VIL1: variants seen among roughly 807,000 people sequenced by gnomAD.
VIL1 encodes the protein villin-1.
A neutral mutation model predicts 104.0 loss-of-function variants in VIL1; 86 were observed. The ratio of observed to expected loss-of-function variants is 0.83; its 90% CI spans 0.69 to 0.99. VIL1 has a LOEUF of 0.99. Among genes scored for constraint, VIL1 ranks in the 50% least tolerant of loss-of-function variants. The probability of loss-of-function intolerance (pLI) is 0.00; values close to 1 mark genes in which losing one functional copy is unlikely to be tolerated. For synonymous variants in VIL1, 394 were observed against 412.6 expected (o/e 0.95, Z 0.55); for missense variants, 944 against 1,054.1 (o/e 0.90, Z 1.45).
intron 9 of VIL1, 28 bp downstream of exon 9, chr2:218,429,975 G>A: frequency 1.9e-6 from 3 of 1,583,014 alleles, no homozygotes; most frequent in South Asian, 2.2e-5. Context: ...GGAGGGTCCA[G>A]GAGGAGGGCA....
At chr2:218,438,136 T>G (rs532933185) in intron 17 of VIL1, among the ~76,000 whole-genome samples, 13 of 151,886 alleles carry the variant, frequency 8.6e-5, no homozygotes, top group African/African-American at 1.2e-4. Context: ...TCACCTCAAG[T>G]GTGTGCTGGC....
intron 19 of VIL1, among the ~76,000 whole-genome samples, chr2:218,447,363 G>A (rs1013651360): frequency 2.0e-5 from 3 of 152,156 alleles, no homozygotes; most frequent in Non-Finnish European, 4.4e-5. Flanking sequence ...TCTCACTCAG[G>A]CTGGAGTACA....
chr2:218,424,522 C>T (rs1688947644), intron 3 of VIL1, among the ~76,000 whole-genome samples, 171 bp downstream of exon 3: 2 of 152,202 alleles, frequency 1.3e-5, no homozygotes, highest in South Asian at 4.1e-4. Flanking sequence ...AGGTCAGAGG[C>T]TCTTGCTGCC....
chr2:218,425,870 T>C, intron 4 of VIL1, 59 bp downstream of exon 4: 1 of 1,531,534 alleles, frequency 6.5e-7, no homozygotes, highest in Admixed American at 1.9e-5. Flanking sequence ...ATAGAGATGT[T>C]GGGGCTGAGC....
Position 218,451,061 on chromosome 2 carries a change from A to T in VIL1, c.*1725A>T, listed in dbSNP as rs2106399944. 1 of 152,306 alleles carries T rather than the reference A, an allele frequency of 6.6e-6. No homozygotes were observed. Among genetic ancestry groups the T allele is most frequent in the East Asian group, 1.9e-4 (1 of 5,194 alleles). The allele number at this position is 152,306 out of a possible 1,614,324, so 9.4% of individuals were successfully genotyped here. A position where few individuals can be genotyped will look rare whatever the true frequency, so the allele number is the denominator to read the frequency against. Reference sequence around the variant, plus strand: ...GCCTAACAAATTAGAATTTTCCAATAAAAAATATATATTTTTTCAGATGTT... The same window carrying T: ...GCCTAACAAATTAGAATTTTCCAATTAAAAATATATATTTTTTCAGATGTT... On this transcript the variant is annotated 3_prime_UTR_variant, in exon 20 of 20. Coordinates refer to ENST00000248444, the MANE Select transcript of VIL1 (RefSeq NM_007127.3).
chr2:218,426,428 T>C (rs1689003721), intron 4 of VIL1, among the ~76,000 whole-genome samples: 1 of 151,730 alleles, frequency 6.6e-6, no homozygotes, highest in Admixed American at 6.6e-5. Context: ...CTAATTTTTG[T>C]ATTTTTAGTA....
chr2:218,425,934 AG>A, intron 4 of VIL1, 123 bp downstream of exon 4: 2 of 999,360 alleles, frequency 2.0e-6, no homozygotes, highest in Non-Finnish European at 2.7e-6. Context: ...CACTTGGAGC[AG>A]GGGGAGGTGA....
chr2:218,437,445 G>T, intron 17 of VIL1, 133 bp downstream of exon 17: 1 of 1,230,084 alleles, frequency 8.1e-7, no homozygotes, highest in South Asian at 1.6e-5. Context: ...GCTTAGAATA[G>T]AAAGTAAGGC....
chr2:218,428,175 G>A (rs1689035901), intron 5 of VIL1, 52 bp from the exon 6 acceptor site: 6 of 1,602,746 alleles, frequency 3.7e-6, no homozygotes, highest in Non-Finnish European at 1.7e-6. Context: ...CCAAGATGAT[G>A]GATGATAGGT....
chr2:218,439,687 C>T lies in VIL1; in HGVS notation c.2229+961C>T, dbSNP rs181223632. 2.0e-3 allele frequency among the ~76,000 whole-genome samples: 309 copies of T among 151,816 alleles called. 2 individuals carry two copies. The highest frequency in any genetic ancestry group is 6.9e-3 in the African/African-American group (284 of 41,412). On this transcript the variant is annotated intron_variant, in intron 18 of 19. Coordinates refer to ENST00000248444, the MANE Select transcript of VIL1 (RefSeq NM_007127.3). ...TAAAAAACAGCCAGGTGTGGTGGTG[C>T]GTGCTTGTGGTCCCAGCTACTCAGG...
At chr2:218,426,065 T>C (rs568666899) in intron 4 of VIL1, among the ~76,000 whole-genome samples, 1 of 152,172 alleles carries the variant, frequency 6.6e-6, no homozygotes, top group Non-Finnish European at 1.5e-5. Flanking sequence ...CACTGCTCTG[T>C]CCTTGGTCTG....
In VIL1 at chr2:218,434,591, A is replaced by T. The variant is rs1689155272; in HGVS notation, c.1566A>T (p.Gly522=). The change falls in exon 14 of 20, where the codon GGA becomes GGT. Residue 522 remains glycine, a synonymous_variant. Coordinates refer to ENST00000248444, the MANE Select transcript of VIL1 (RefSeq NM_007127.3). ...GPSTRLFQVQ[G]TGANNTKAFE... ...CCACACGGCTGTTCCAGGTCCAGGG[A>T]ACTGGCGCCAACAACACCAAGGCCT... is the stretch of plus-strand genomic sequence containing the variant. The T allele has an allele frequency of 6.2e-7, 1 of 1,614,026 alleles. No individual in the cohort carries two copies. The highest frequency in any genetic ancestry group is 1.1e-5 in the South Asian group (1 of 91,078).
intron 1 of VIL1, among the ~76,000 whole-genome samples, chr2:218,423,017 C>A (rs1688922638): frequency 6.6e-6 from 1 of 152,232 alleles, no homozygotes; most frequent in South Asian, 2.1e-4. Context: ...AAATCAGAAT[C>A]ACCAGAGCCT....
At chr2:218,432,421 T>G in intron 12 of VIL1, 3 of 742,452 alleles carry the variant, frequency 4.0e-6, no homozygotes. Context: ...TCTTGTCACC[T>G]GCTCTGCCCA....
chr2:218,438,679 C>T lies in VIL1; in HGVS notation c.2182C>T (p.Leu728=). The change falls in exon 18 of 20, where the codon CTG becomes TTG. Residue 728 remains leucine (L), a synonymous_variant. Coordinates refer to ENST00000248444, the MANE Select transcript of VIL1 (RefSeq NM_007127.3). The part of the protein sequence containing the change: ...KWSNTKSYED[L]KAELGNSRDW... ...GCAGAACACCAAATCCTATGAGGAC[C>T]TGAAGGCGGAGCTTGGCAACTCTAG... is the stretch of plus-strand genomic sequence containing the variant. 6.2e-7 allele frequency: 1 copy of T among 1,612,756 alleles called. No homozygotes were observed. The highest frequency in any genetic ancestry group is 8.5e-7 in the Non-Finnish European group (1 of 1,179,754).
At chr2:218,419,602 T>C (rs1054391157) in intron 1 of VIL1, among the ~76,000 whole-genome samples, 1 of 152,222 alleles carries the variant, frequency 6.6e-6, no homozygotes, top group Non-Finnish European at 1.5e-5. Context: ...TCACCATTCC[T>C]CTGACACTCC....
chr2:218,429,338 T>C lies in VIL1; in HGVS notation c.621T>C (p.Tyr207=), dbSNP rs1689054577. 6.2e-7 allele frequency: 1 copy of C among 1,613,900 alleles called. No individual in the cohort carries two copies. The highest frequency in any genetic ancestry group is 8.5e-7 in the Non-Finnish European group (1 of 1,179,998). ...ACCAGGAGCGGGGAGGGCGCACCTA[T>C]GTAGGCGTGGTGGACGGAGAGAATG... The part of the protein sequence containing the change: ...IRDQERGGRT[Y]VGVVDGENEL... The change falls in exon 7 of 20, where the codon TAT becomes TAC. Residue 207 remains tyrosine, a synonymous_variant. Coordinates refer to ENST00000248444, the MANE Select transcript of VIL1 (RefSeq NM_007127.3).
At chr2:218,432,451 G>T (rs1296639686) in intron 12 of VIL1, 2 of 701,968 alleles carry the variant, frequency 2.8e-6, no homozygotes, top group Non-Finnish European at 5.1e-6. Context: ...GTGTCTAGAT[G>T]CGAGGGAGCA....
intron 19 of VIL1, among the ~76,000 whole-genome samples, chr2:218,446,295 C>T (rs1030712538): frequency 6.6e-6 from 1 of 152,064 alleles, no homozygotes; most frequent in Non-Finnish European, 1.5e-5. Context: ...AGTGCAGTGC[C>T]ATCATCTTGG....
Sources: allele counts gnomAD v4.1 joint callset (sites outside exome capture counted in the v4.1 genomes callset), GRCh38; gene constraint gnomAD v4.1.1; transcripts MANE v1.5; gene names NCBI Gene and HGNC (gene_info 2026-07-23, HGNC 2026-07-21).